LUC7L2: variants seen among roughly 807,000 people sequenced by gnomAD.
LUC7L2 encodes LUC7 like 2, pre-mRNA splicing factor.
Under a neutral mutation model 52.8 loss-of-function variants are expected in LUC7L2, and 25 were observed. The observed-to-expected ratio is 0.47, with a 90% CI of 0.34 to 0.66. LUC7L2 has a LOEUF of 0.66. Among genes scored for constraint, LUC7L2 ranks in the 30% least tolerant of loss-of-function variants. The pLI, the probability that LUC7L2 is intolerant of heterozygous loss-of-function variation, is 0.01. For missense variants in LUC7L2, 328 were observed against 497.8 expected (o/e 0.66, Z 3.25); for synonymous variants, 144 against 160.9 (o/e 0.89, Z 0.80).
At chr7:139,392,193 A>G (rs1794475060) in intron 2 of LUC7L2, 1 of 164,174 alleles carries the variant, frequency 6.1e-6, no homozygotes, top group South Asian at 1.4e-4. Context: ...TTCTCCATTT[A>G]TCTTTTTATA....
chr7:139,398,685 C>A lies in LUC7L2; in HGVS notation c.243C>A (p.Phe81Leu). ...TTGCATCCAAAGAACAAGATTTTTT[C>A]TTTGAACTTGATGTATGTGATTTTG... is the stretch of plus-strand genomic sequence containing the variant. ...YEIASKEQDFFFELDAMDHLQ... is the reference protein window; with the variant it reads ...YEIASKEQDFLFELDAMDHLQ... Residue 81 changes from phenylalanine (F) to leucine (L), a missense_variant, in exon 3 of 10, where the codon TTC becomes TTA. Coordinates refer to ENST00000354926, the MANE Select transcript of LUC7L2 (RefSeq NM_016019.5). 6.2e-7 allele frequency: 1 copy of A among 1,610,840 alleles called. No homozygotes were observed. Among genetic ancestry groups the A allele is most frequent in the South Asian group, 1.1e-5 (1 of 90,484 alleles).
chr7:139,368,015 C>CAT (rs1569370162), intron 1 of LUC7L2, among the ~76,000 whole-genome samples: 2 of 152,110 alleles, frequency 1.3e-5, no homozygotes, highest in African/African-American at 4.8e-5. Flanking sequence ...ACTAAGCAGT[C>CAT]GATTCACGTG....
intron 2 of LUC7L2, among the ~76,000 whole-genome samples, chr7:139,376,505 G>T (rs938187565): frequency 5.9e-5 from 9 of 152,018 alleles, no homozygotes; most frequent in African/African-American, 2.2e-4. Context: ...CTTTTATCTA[G>T]TACGGTATAC....
intron 1 of LUC7L2, among the ~76,000 whole-genome samples, chr7:139,367,542 A>G (rs1372263406): frequency 6.6e-6 from 1 of 152,198 alleles, no homozygotes; most frequent in East Asian, 1.9e-4. Flanking sequence ...TAATTTCCTT[A>G]CTGAGTGGTA....
intron 1 of LUC7L2, among the ~76,000 whole-genome samples, chr7:139,352,181 G>C (rs1799479561): frequency 6.6e-6 from 1 of 151,764 alleles, no homozygotes; most frequent in Non-Finnish European, 1.5e-5. Flanking sequence ...GGGCGACAGA[G>C]AAAGACCATC....
upstream of LUC7L2, among the ~76,000 whole-genome samples, chr7:139,358,409 G>A (rs1263204204): frequency 6.6e-6 from 1 of 152,182 alleles, no homozygotes; most frequent in Non-Finnish European, 1.5e-5. Context: ...AGTGTTAATG[G>A]AACACAAATC....
chr7:139,415,402 C>G (rs1020233744), intron 8 of LUC7L2, among the ~76,000 whole-genome samples: 8 of 151,576 alleles, frequency 5.3e-5, no homozygotes, highest in African/African-American at 1.9e-4. Flanking sequence ...AAAAAATTAC[C>G]TAGAATTTTT....
chr7:139,373,422 G>A (rs1342740711), intron 1 of LUC7L2, among the ~76,000 whole-genome samples: 1 of 152,130 alleles, frequency 6.6e-6, no homozygotes, highest in East Asian at 1.9e-4. Context: ...TATAATGGCT[G>A]CTATTTGATA....
At chr7:139,402,074 A>G (rs1794940282) in intron 3 of LUC7L2, 63 bp from the exon 4 acceptor site, 10 of 1,473,994 alleles carry the variant, frequency 6.8e-6, no homozygotes, top group African/African-American at 1.4e-5. Context: ...TGATTTTTGT[A>G]TGAAGATATT....
intron 1 of LUC7L2, among the ~76,000 whole-genome samples, chr7:139,370,925 C>T (rs1800417583): frequency 6.6e-6 from 1 of 152,058 alleles, no homozygotes; most frequent in Admixed American, 6.5e-5. Context: ...TTTAGGGATT[C>T]AAGGGGTCAG....
intron 2 of LUC7L2, among the ~76,000 whole-genome samples, chr7:139,394,140 TAAG>T (rs1794562962): frequency 6.6e-6 from 1 of 152,182 alleles, no homozygotes; most frequent in Admixed American, 6.5e-5. Flanking sequence ...AAGGAGAGGC[TAAG>T]AAGAACCTCC....
chr7:139,394,548 CAG>C (rs1366449974), intron 2 of LUC7L2, among the ~76,000 whole-genome samples: 1 of 152,102 alleles, frequency 6.6e-6, no homozygotes, highest in African/African-American at 2.4e-5. Flanking sequence ...GCAATAGAGA[CAG>C]AGATGTTTAG....
At chr7:139,401,770 T>TA (rs948585357) in intron 3 of LUC7L2, among the ~76,000 whole-genome samples, 4 of 143,724 alleles carry the variant, frequency 2.8e-5, no homozygotes, top group East Asian at 2.0e-4. Context: ...TTTTTTTTTT[T>TA]AATGACAGGG....
At chr7:139,398,547 T>C (rs1585115490) in intron 2 of LUC7L2, 52 bp from the exon 3 acceptor site, 1 of 1,482,286 alleles carries the variant, frequency 6.7e-7, no homozygotes, top group East Asian at 2.4e-5. Flanking sequence ...TGTTGAAGCA[T>C]TTTTTAAAAA....
chr7:139,392,508 T>A, intron 2 of LUC7L2: 1 of 334,316 alleles, frequency 3.0e-6, no homozygotes. Flanking sequence ...TTTCATGCAG[T>A]AATGGATTCA....
intron 2 of LUC7L2, among the ~76,000 whole-genome samples, chr7:139,379,407 A>G (rs540788379): frequency 6.6e-6 from 1 of 151,172 alleles, no homozygotes; most frequent in South Asian, 2.1e-4. Context: ...TTGGAACTTT[A>G]TATCAAGCAC....
intron 2 of LUC7L2, among the ~76,000 whole-genome samples, chr7:139,390,175 A>G (rs1344383893): frequency 6.6e-6 from 1 of 152,054 alleles, no homozygotes; most frequent in African/African-American, 2.4e-5. Context: ...AATGGATAAT[A>G]CGAGGTAAAG....
intron 9 of LUC7L2, 40 bp downstream of exon 9, chr7:139,417,769 T>C: frequency 6.3e-7 from 1 of 1,581,408 alleles, no homozygotes; most frequent in Non-Finnish European, 8.6e-7. Context: ...GCTACCTTAA[T>C]GTTTTAGAGT....
At chr7:139,400,103 A>T (rs1374253163) in intron 3 of LUC7L2, among the ~76,000 whole-genome samples, 1 of 150,586 alleles carries the variant, frequency 6.6e-6, no homozygotes, top group Non-Finnish European at 1.5e-5. Flanking sequence ...AATTTACAAC[A>T]CATTTTCCCT....
Sources: allele counts gnomAD v4.1 joint callset (sites outside exome capture counted in the v4.1 genomes callset), GRCh38; gene constraint gnomAD v4.1.1; transcripts MANE v1.5; gene names NCBI Gene and HGNC (gene_info 2026-07-23, HGNC 2026-07-21).